RSBN1: variants seen among roughly 807,000 people sequenced by gnomAD.
RSBN1 encodes lysine-specific demethylase 9.
RSBN1 carries 23 observed loss-of-function variants against 74.8 expected under a neutral mutation model. The observed-to-expected ratio is 0.31, with a 90% CI of 0.22 to 0.44. The LOEUF is 0.44. Among genes scored for constraint, RSBN1 ranks in the 20% least tolerant of loss-of-function variants. The pLI, the probability that RSBN1 is intolerant of heterozygous loss-of-function variation, is 1.00. For missense variants in RSBN1, 808 were observed against 1,020.9 expected (o/e 0.79, Z 2.84); for synonymous variants, 407 against 379.6 (o/e 1.07, Z -0.84).
Position 113,762,831 on chromosome 1 carries a change from A to T in RSBN1, c.*3149T>A, listed in dbSNP as rs139818522. 4 of 152,756 alleles carry T rather than the reference A, an allele frequency of 2.6e-5. No homozygotes were observed. In the East Asian group the frequency reaches 5.6e-4, roughly 21 times the overall value. 9.5% of individuals were successfully genotyped at this position (152,756 alleles called of 1,614,324 possible). A position where few individuals can be genotyped will look rare whatever the true frequency, so the allele number is the denominator to read the frequency against. On this transcript the variant is annotated 3_prime_UTR_variant, in exon 7 of 7. Transcript: ENST00000261441. ...AAGACATCTTTTCCTAAAGTTTAGT[A>T]AACAACTTTAATAAGCTCCTTTTTC...
At position 113,763,042 on chromosome 1, in the gene RSBN1, G is replaced by A. The variant is rs1389230198; in HGVS notation, c.*2938C>T. 1 of 152,740 alleles carries A rather than the reference G, an allele frequency of 6.5e-6. No homozygotes were observed. The highest frequency in any genetic ancestry group is 1.9e-4 in the East Asian group (1 of 5,336). 9.5% of individuals were successfully genotyped at this position (152,740 alleles called of 1,614,324 possible). A position where few individuals can be genotyped will look rare whatever the true frequency, so the allele number is the denominator to read the frequency against. On this transcript the variant is annotated 3_prime_UTR_variant, in exon 7 of 7. Transcript: ENST00000261441. ...ACCAATTTTTAGAGTTAAAACTTTG[G>A]AGGAGAGAACATACTATATAGGTTT...
chr1:113,779,165 C>A (rs1309755689), intron 2 of RSBN1, among the ~76,000 whole-genome samples: 1 of 152,046 alleles, frequency 6.6e-6, no homozygotes. Flanking sequence ...TAAAATGGCT[C>A]TTTAATGAAC....
Position 113,761,947 on chromosome 1 carries a change from C to T in RSBN1, c.*4033G>A, listed in dbSNP as rs1659686844. On this transcript the variant is annotated 3_prime_UTR_variant, in exon 7 of 7. Coordinates refer to ENST00000261441, the MANE Select transcript of RSBN1 (RefSeq NM_018364.5). ...AGCTTAACAATTTAACACACTTAGA[C>T]AGCTACAAAAAAGCACTGTGTTAAA... The T allele has an allele frequency of 6.6e-6, 1 of 152,086 alleles. No individual in the cohort carries two copies. Among genetic ancestry groups the T allele is most frequent in the South Asian group, 2.1e-4 (1 of 4,820 alleles). 9.4% of individuals were successfully genotyped at this position (152,086 alleles called of 1,614,324 possible).
At chr1:113,768,588 C>T (rs1659830204) in intron 4 of RSBN1, among the ~76,000 whole-genome samples, 199 bp from the exon 5 acceptor site, 1 of 152,106 alleles carries the variant, frequency 6.6e-6, no homozygotes, top group South Asian at 2.1e-4. Context: ...ACCTTCCTCT[C>T]CCTGTGTGCC....
chr1:113,763,010 C>A lies in RSBN1; in HGVS notation c.*2970G>T, dbSNP rs1401985848. 2 of 152,600 alleles carry A rather than the reference C, an allele frequency of 1.3e-5. No individual in the cohort carries two copies. Among genetic ancestry groups the A allele is most frequent in the Non-Finnish European group, 1.5e-5 (1 of 67,978 alleles). The allele number at this position is 152,600 out of a possible 1,614,324, so 9.5% of individuals were successfully genotyped here. A position where few individuals can be genotyped will look rare whatever the true frequency, so the allele number is the denominator to read the frequency against. On this transcript the variant is annotated 3_prime_UTR_variant, in exon 7 of 7. Coordinates refer to ENST00000261441, the MANE Select transcript of RSBN1 (RefSeq NM_018364.5). Reference sequence around the variant, plus strand: ...TAAGCAAATTAAAGGTACAATTAAACCTAGGAACCAATTTTTAGAGTTAAA... The same window carrying A: ...TAAGCAAATTAAAGGTACAATTAAAACTAGGAACCAATTTTTAGAGTTAAA...
intron 2 of RSBN1, among the ~76,000 whole-genome samples, chr1:113,778,502 G>C (rs542548694): frequency 4.0e-5 from 6 of 150,968 alleles, no homozygotes; most frequent in Admixed American, 4.0e-4. Flanking sequence ...GTTTCAACAC[G>C]TTGGCCAGGC....
In RSBN1 at chr1:113,797,789, C is replaced by G; in HGVS notation, c.951G>C (p.Leu317=). The stretch of plus-strand genomic sequence containing the variant: ...CTTGCATACCCAAATTTAATCGGCA[C>G]AGCTGTTCATCTTTCAGATACCTGA... ...ESFRYLKDEQ[L]CRLNLGMQEY... is the part of the protein sequence containing the mutation. Residue 317 remains leucine, a synonymous_variant, in exon 2 of 7, where the codon CTG becomes CTC. Coordinates refer to ENST00000261441, the MANE Select transcript of RSBN1 (RefSeq NM_018364.5). 1 of 1,614,100 alleles carries G rather than the reference C, an allele frequency of 6.2e-7. No homozygotes were observed. Among genetic ancestry groups the G allele is most frequent in the Non-Finnish European group, 8.5e-7 (1 of 1,180,008 alleles).
chr1:113,792,844 G>A (rs538149917), intron 2 of RSBN1, among the ~76,000 whole-genome samples: 6 of 151,976 alleles, frequency 3.9e-5, no homozygotes, highest in Non-Finnish European at 5.9e-5. Flanking sequence ...GGGGAAGGGA[G>A]GAAGGAAGGA....
At chr1:113,768,449 A>T (rs1659827374) in intron 4 of RSBN1, 60 bp from the exon 5 acceptor site, 10 of 1,382,842 alleles carry the variant, frequency 7.2e-6, no homozygotes, top group Non-Finnish European at 9.8e-6. Context: ...CCAAAAAAAA[A>T]TTAATTAATA....
intron 4 of RSBN1, among the ~76,000 whole-genome samples, chr1:113,772,871 C>T (rs12144309): frequency 0.18 from 28,009 of 152,052 alleles, 2,749 homozygotes; most frequent in South Asian, 0.22. Flanking sequence ...TATACTGAAG[C>T]CAATTCCAGG....
chr1:113,803,976 C>T (rs1007971884), intron 1 of RSBN1, among the ~76,000 whole-genome samples: 4 of 148,486 alleles, frequency 2.7e-5, no homozygotes, highest in East Asian at 4.0e-4. Context: ...CTGGGCTTGG[C>T]GGTGCATGCC....
At chr1:113,802,128 T>A (rs1265692772) in intron 1 of RSBN1, among the ~76,000 whole-genome samples, 2 of 152,062 alleles carry the variant, frequency 1.3e-5, no homozygotes, top group Non-Finnish European at 2.9e-5. Flanking sequence ...CTAATTCTTG[T>A]ATTTTTTGGT....
chr1:113,797,304 A>G (rs554595836), intron 2 of RSBN1, 59 bp downstream of exon 2: 13 of 1,342,254 alleles, frequency 9.7e-6, no homozygotes, highest in Middle Eastern at 2.1e-4. Context: ...TGCGACAGAA[A>G]GAGGTTAATT....
In RSBN1 at chr1:113,762,062, A is replaced by G. The variant is rs1202962250; in HGVS notation, c.*3918T>C. On this transcript the variant is annotated 3_prime_UTR_variant, in exon 7 of 7. Coordinates refer to ENST00000261441, the MANE Select transcript of RSBN1 (RefSeq NM_018364.5). ...ATGTCAATAAACAAACTAAGGCCAC[A>G]CAACGCAAATAGTCCGCCAGGCAAA... 4 of 152,776 alleles carry G rather than the reference A, an allele frequency of 2.6e-5. No homozygotes were observed. Among genetic ancestry groups the G allele is most frequent in the Admixed American group, 6.5e-5 (1 of 15,278 alleles). The allele number at this position is 152,776 out of a possible 1,614,324, so 9.5% of individuals were successfully genotyped here. A position where few individuals can be genotyped will look rare whatever the true frequency, so the allele number is the denominator to read the frequency against.
Position 113,765,179 on chromosome 1 carries a change from C to T in RSBN1, c.*801G>A. On this transcript the variant is annotated 3_prime_UTR_variant, in exon 7 of 7. Coordinates refer to ENST00000261441, the MANE Select transcript of RSBN1 (RefSeq NM_018364.5). ...AGTTTAGGAAGCAAAATTATCCCCA[C>T]AAAATGTGAGGATGCCAGGAAGCAG... 1 of 152,242 alleles carries T rather than the reference C, an allele frequency of 6.6e-6. No homozygotes were observed. The highest frequency in any genetic ancestry group is 1.5e-5 in the Non-Finnish European group (1 of 67,992). 9.4% of individuals were successfully genotyped at this position (152,242 alleles called of 1,614,324 possible).
rs774293365 is a variant in RSBN1, at chr1:113,768,376, T to C, written c.1672A>G (p.Ile558Val). ...PFKRRRSMNE[I>V]KNLQYLPRTS... ...CGAGGTAGGTACTGGAGATTTTTTA[T>C]TTCATTCATTGATCTAGAGTTGATT... The change falls in exon 5 of 7, where the codon ATA becomes GTA. Residue 558 changes from isoleucine to valine, a missense_variant. Transcript: ENST00000261441. 1 of 1,602,286 alleles carries C rather than the reference T, an allele frequency of 6.2e-7. No homozygotes were observed. The highest frequency in any genetic ancestry group is 1.3e-5 in the African/African-American group (1 of 74,458).
intron 2 of RSBN1, among the ~76,000 whole-genome samples, chr1:113,786,939 G>A (rs908423285): frequency 3.9e-5 from 6 of 152,114 alleles, no homozygotes; most frequent in Non-Finnish European, 8.8e-5. Flanking sequence ...GAATATATTG[G>A]TACCAGGTAA....
At chr1:113,791,095 G>T (rs1370479093) in intron 2 of RSBN1, among the ~76,000 whole-genome samples, 1 of 152,004 alleles carries the variant, frequency 6.6e-6, no homozygotes, top group Admixed American at 6.6e-5. Flanking sequence ...GTAAGTACGA[G>T]ACCAAAGAAC....
Position 113,797,709 on chromosome 1 carries a change from G to T in RSBN1, c.1031C>A (p.Ser344Tyr), listed in dbSNP as rs748962265. 3.1e-6 allele frequency: 5 copies of T among 1,613,984 alleles called. No homozygotes were observed. In the African/African-American group the frequency reaches 5.3e-5, roughly 17 times the overall value. Residue 344 changes from serine (S) to tyrosine (Y), a missense_variant, in exon 2 of 7, where the codon TCT becomes TAT. This residue lies in a region of RSBN1 where 85 missense variants were observed against 126.2 expected (regional missense o/e 0.67). Transcript: ENST00000261441. ...QTPFMTHQEHSIRRNFLKTGT... is the reference protein window; with the variant it reads ...QTPFMTHQEHYIRRNFLKTGT... ...TGTTTTTAAGAAATTTCTACGAATA[G>T]AATGTTCCTGGTGAGTCATAAAAGG... is the stretch of plus-strand genomic sequence containing the variant.
Sources: gnomAD v4.1 joint callset for allele counts (sites outside exome capture counted in the v4.1 genomes callset) on GRCh38, gnomAD v4.1.1 for gene constraint, gnomAD v4.1.1 regional missense constraint, MANE v1.5 for transcripts, NCBI Gene and HGNC (gene_info 2026-07-23, HGNC 2026-07-21) for gene names.